Variants in EPB41L4A observed in about 807,000 individuals in gnomAD.
EPB41L4A encodes band 4.1-like protein 4A.
A neutral mutation model predicts 108.6 loss-of-function variants in EPB41L4A; 100 were observed. That is an observed-to-expected ratio of 0.92 (90% CI 0.78 to 1.09). EPB41L4A has a LOEUF of 1.09. EPB41L4A is among the 50% of genes least tolerant of loss of function. The pLI, the probability that EPB41L4A is intolerant of heterozygous loss-of-function variation, is 0.00. For missense variants in EPB41L4A, 1,030 were observed against 842.7 expected (o/e 1.22, Z -2.75); for synonymous variants, 319 against 289.0 (o/e 1.10, Z -1.05).
intron 9 of EPB41L4A, among the ~76,000 whole-genome samples, chr5:112,254,554 G>C (rs1322869033): frequency 6.6e-6 from 1 of 152,148 alleles, no homozygotes; most frequent in Non-Finnish European, 1.5e-5. Context: ...TGCTGAGTCT[G>C]AGCTCATGCC....
At chr5:112,181,308 G>A (rs1303189667) in intron 18 of EPB41L4A, among the ~76,000 whole-genome samples, 21 of 152,080 alleles carry the variant, frequency 1.4e-4, no homozygotes, top group African/African-American at 1.9e-4. Flanking sequence ...AAAATTAGCC[G>A]GGCGTGGTGG....
chr5:112,313,805 ATT>A (rs1350862202), intron 1 of EPB41L4A, among the ~76,000 whole-genome samples: 1 of 147,658 alleles, frequency 6.8e-6, no homozygotes, highest in Non-Finnish European at 1.5e-5. Context: ...TGTATACTAT[ATT>A]TACATATAAA....
At chr5:112,366,731 T>C (rs557755628) in intron 1 of EPB41L4A, among the ~76,000 whole-genome samples, 3 of 152,188 alleles carry the variant, frequency 2.0e-5, no homozygotes, top group East Asian at 3.9e-4. Context: ...CAGAGCAGCA[T>C]GGGTTAGGAT....
At position 112,377,825 on chromosome 5, in the gene EPB41L4A, A is replaced by G. The variant is rs546000909; in HGVS notation, c.99+41116T>C. The stretch of plus-strand genomic sequence containing the variant: ...AGAGCTGCCTTCCAGAAACTAACTT[A>G]ATCTTCACACAAATTGGGAAGAGAA... On this transcript the variant is annotated intron_variant, in intron 1 of 22. Coordinates refer to ENST00000261486, the MANE Select transcript of EPB41L4A (RefSeq NM_022140.5). 1.1e-4 allele frequency among the ~76,000 whole-genome samples: 17 copies of G among 152,182 alleles called. No homozygotes were observed. The South Asian group carries it at 3.5e-3, about 32-fold the overall frequency.
At chr5:112,211,185 C>G (rs1762723007) in intron 12 of EPB41L4A, among the ~76,000 whole-genome samples, 1 of 152,144 alleles carries the variant, frequency 6.6e-6, no homozygotes, top group African/African-American at 2.4e-5. Context: ...GGCAGTCTGG[C>G]TCCACAGACT....
intron 12 of EPB41L4A, among the ~76,000 whole-genome samples, chr5:112,219,697 G>A (rs1747910034): frequency 6.6e-6 from 1 of 151,906 alleles, no homozygotes; most frequent in South Asian, 2.1e-4. Flanking sequence ...ATTTTTTATT[G>A]GAAAGCAATT....
chr5:112,391,565 G>A (rs751490103), intron 1 of EPB41L4A, among the ~76,000 whole-genome samples: 1 of 152,140 alleles, frequency 6.6e-6, no homozygotes, highest in African/African-American at 2.4e-5. Flanking sequence ...AAGCCTCCAA[G>A]AAATATGGGA....
chr5:112,297,285 A>C (rs764216447), intron 2 of EPB41L4A, among the ~76,000 whole-genome samples: 7 of 152,060 alleles, frequency 4.6e-5, no homozygotes, highest in Non-Finnish European at 1.0e-4. Flanking sequence ...TTTTCATCAT[A>C]TCCATGCCAA....
intron 12 of EPB41L4A, among the ~76,000 whole-genome samples, chr5:112,222,006 T>C (rs1240581737): frequency 1.3e-5 from 2 of 152,182 alleles, no homozygotes; most frequent in South Asian, 4.1e-4. Context: ...GCAACAAACA[T>C]ACACCTGACT....
At chr5:112,228,267 G>C (rs1240235088) in intron 12 of EPB41L4A, 1 of 152,214 alleles carries the variant, frequency 6.6e-6, no homozygotes, top group African/African-American at 2.4e-5. Flanking sequence ...TGAACATCCA[G>C]ATTTTGTACT....
At chr5:112,296,834 C>A (rs1754016715) in intron 2 of EPB41L4A, among the ~76,000 whole-genome samples, 2 of 152,112 alleles carry the variant, frequency 1.3e-5, no homozygotes, top group South Asian at 4.2e-4. Flanking sequence ...GCTTAGCCCC[C>A]ACTTACGAGT....
chr5:112,181,790 G>A (rs1396255877), intron 18 of EPB41L4A, among the ~76,000 whole-genome samples: 1 of 152,124 alleles, frequency 6.6e-6, no homozygotes, highest in South Asian at 2.1e-4. Flanking sequence ...TCAGAACAGT[G>A]GACCAGGCGC....
At chr5:112,252,785 G>A (rs572377652) in intron 9 of EPB41L4A, among the ~76,000 whole-genome samples, 25 of 151,618 alleles carry the variant, frequency 1.6e-4, no homozygotes, top group Non-Finnish European at 3.1e-4. Flanking sequence ...AAGCCTCACC[G>A]TCACACAATA....
intron 1 of EPB41L4A, among the ~76,000 whole-genome samples, chr5:112,328,461 T>C (rs1388624137): frequency 6.6e-6 from 1 of 152,238 alleles, no homozygotes; most frequent in African/African-American, 2.4e-5. Context: ...TCCATGGTTA[T>C]ATCTAAACTC....
At chr5:112,305,888 C>T (rs904776934) in intron 2 of EPB41L4A, among the ~76,000 whole-genome samples, 1 of 152,052 alleles carries the variant, frequency 6.6e-6, no homozygotes, top group African/African-American at 2.4e-5. Context: ...ATGATAAATG[C>T]CAAACCTTTA....
chr5:112,370,752 T>C (rs935209606), intron 1 of EPB41L4A, among the ~76,000 whole-genome samples: 2 of 152,054 alleles, frequency 1.3e-5, no homozygotes, highest in Admixed American at 1.3e-4. Context: ...CTGTCTCTAC[T>C]AAAAATACAA....
At chr5:112,188,903 T>C (rs1761553022) in intron 17 of EPB41L4A, among the ~76,000 whole-genome samples, 2 of 152,210 alleles carry the variant, frequency 1.3e-5, no homozygotes, top group Admixed American at 6.5e-5. Flanking sequence ...CCTACCAAAA[T>C]TGTGATCTTC....
intron 2 of EPB41L4A, among the ~76,000 whole-genome samples, chr5:112,286,357 G>A (rs963055245): frequency 6.6e-6 from 1 of 152,114 alleles, no homozygotes; most frequent in African/African-American, 2.4e-5. Flanking sequence ...ACAACCATAG[G>A]TGGGCTTGCT....
At chr5:112,216,924 C>G (rs1281325110) in intron 12 of EPB41L4A, among the ~76,000 whole-genome samples, 2 of 151,814 alleles carry the variant, frequency 1.3e-5, no homozygotes, top group Non-Finnish European at 2.9e-5. Flanking sequence ...AAATTACGGC[C>G]AAATAGCTAA....
Sources: gnomAD v4.1 joint callset for allele counts (sites outside exome capture counted in the v4.1 genomes callset) on GRCh38, gnomAD v4.1.1 for gene constraint, MANE v1.5 for transcripts, NCBI Gene and HGNC (gene_info 2026-07-23, HGNC 2026-07-21) for gene names.